The following TPH1 variants were observed in gnomAD, a reference collection of about 807,000 sequenced individuals.
The protein encoded by TPH1 is tryptophan hydroxylase 1, also known as tryptophan 5-hydroxylase 1.
TPH1 carries 37 observed loss-of-function variants against 49.5 expected under a neutral mutation model. The ratio of observed to expected loss-of-function variants is 0.75; its 90% CI spans 0.58 to 0.98. The LOEUF (loss-of-function observed/expected upper bound fraction) is 0.98, where lower values mean the gene tolerates loss of function less well. Among genes scored for constraint, TPH1 ranks in the 50% least tolerant of loss-of-function variants. The pLI is 0.00. For missense variants in TPH1, 487 were observed against 523.6 expected (o/e 0.93, Z 0.68); for synonymous variants, 160 against 182.1 (o/e 0.88, Z 0.98).
In TPH1 at chr11:18,032,509, A is replaced by G. The variant is rs1008684401; in HGVS notation, c.402+765T>C. On this transcript the variant is annotated intron_variant, in intron 4 of 10. Coordinates refer to ENST00000682019, the MANE Select transcript of TPH1 (RefSeq NM_004179.3). ...GGCAGTTAGTCTCAATTCCACCAAT[A>G]TGGAGGTCTACTAACACTTGTTGAA... is the stretch of plus-strand genomic sequence containing the variant. 4.8e-4 allele frequency among the ~76,000 whole-genome samples: 68 copies of G among 141,526 alleles called. 1 individual carries two copies. The highest frequency in any genetic ancestry group is 1.4e-3 in the South Asian group (6 of 4,226). The allele number at this position is 141,526 out of a possible 152,430, so 92.8% of individuals were successfully genotyped here. A position where few individuals can be genotyped will look rare whatever the true frequency, so the allele number is the denominator to read the frequency against.
chr11:18,037,961 T>C (rs1332725720), intron 2 of TPH1, among the ~76,000 whole-genome samples: 1 of 152,062 alleles, frequency 6.6e-6, no homozygotes, highest in African/African-American at 2.4e-5. Flanking sequence ...AAAGGAAGAG[T>C]CACAAAGGTG....
In TPH1 at chr11:18,020,481, A is replaced by G. The variant is rs1854346445; in HGVS notation, c.*510T>C. On this transcript the variant is annotated 3_prime_UTR_variant, in exon 11 of 11. Coordinates refer to ENST00000682019, the MANE Select transcript of TPH1 (RefSeq NM_004179.3). The stretch of plus-strand genomic sequence containing the variant: ...TTTTGCTCATGCTAGCAACAAAGAC[A>G]GCAGGGTCTCCTGTTAAATTTTAGT... The G allele has an allele frequency of 6.1e-6, 1 of 162,898 alleles. No homozygotes were observed. The highest frequency in any genetic ancestry group is 5.8e-5 in the Admixed American group (1 of 17,366). The allele number at this position is 162,898 out of a possible 1,614,324, so 10.1% of individuals were successfully genotyped here. A position where few individuals can be genotyped will look rare whatever the true frequency, so the allele number is the denominator to read the frequency against.
intron 10 of TPH1, among the ~76,000 whole-genome samples, chr11:18,022,397 A>G (rs371203324): frequency 1.3e-5 from 2 of 152,192 alleles, no homozygotes; most frequent in African/African-American, 2.4e-5. Flanking sequence ...TCCTTTCTCA[A>G]ATAACATTAA....
In TPH1 at chr11:18,022,875, T is replaced by A; in HGVS notation, c.1083A>T (p.Lys361Asn). The A allele has an allele frequency of 1.2e-6, 2 of 1,613,698 alleles. No homozygotes were observed. The highest frequency in any genetic ancestry group is 1.7e-6 in the Non-Finnish European group (2 of 1,179,676). The change falls in exon 10 of 11, where the codon AAA (lysine) becomes AAT (asparagine). Residue 361 changes from lysine to asparagine, a missense_variant. Physicochemically the swap from Lys to Asn is moderately conservative, Grantham distance 94 (BLOSUM62 0). Coordinates refer to ENST00000682019, the MANE Select transcript of TPH1 (RefSeq NM_004179.3). ...VKPFDPKITCKQECLITTFQD... is the reference protein window; with the variant it reads ...VKPFDPKITCNQECLITTFQD... The stretch of plus-strand genomic sequence containing the variant: ...GAAAAGTTGTGATAAGACATTCCTG[T>A]TTGCAGGTAATCTTGGGATCAAAGG...
chr11:18,029,176 T>G lies in TPH1; in HGVS notation c.656A>C (p.Asn219Thr), dbSNP rs780343911. The G allele has an allele frequency of 3.1e-6, 5 of 1,611,684 alleles. No homozygotes were observed. Among genetic ancestry groups the G allele is most frequent in the Non-Finnish European group, 4.2e-6 (5 of 1,178,400 alleles). ...DNIPQLEDVS[N>T]FLKERTGFSI... ...AATTAGCTTATTACCTTTTAAAAAG[T>G]TGGAGACATCTTCCAATTGTGGGAT... Residue 219 changes from asparagine to threonine, a missense_variant, in exon 6 of 11, where the codon AAC (asparagine) becomes ACC (threonine). By Grantham distance (65) the Asn-to-Thr change is moderately conservative. Transcript: ENST00000682019.
chr11:18,040,541 T>C (rs990514541), intron 2 of TPH1, 105 bp downstream of exon 2: 50 of 1,184,384 alleles, frequency 4.2e-5, no homozygotes, highest in Admixed American at 3.1e-4. Context: ...CTAAATTTGT[T>C]TTTTTTTAAG....
intron 1 of TPH1, chr11:18,041,031 G>A (rs1485720976): frequency 9.9e-5 from 33 of 334,494 alleles, no homozygotes; most frequent in Non-Finnish European, 1.7e-4. Flanking sequence ...TAAACCAATC[G>A]CTCTTTTAGG....
chr11:18,029,071 G>T lies in TPH1; in HGVS notation c.667+94C>A, dbSNP rs537438163. 6 of 814,774 alleles carry T rather than the reference G, an allele frequency of 7.4e-6. No individual in the cohort carries two copies. The African/African-American group carries it at 1.1e-4, about 16-fold the overall frequency. The allele number at this position is 814,774 out of a possible 1,614,324, so 50.5% of individuals were successfully genotyped here. ...CTCCAGCCTGGGCAACAGAAAGAGA[G>T]ACTCTGTCTCAAAAAAAAAAAAAAA... On this transcript the variant is annotated intron_variant, in intron 6 of 10. Transcript: ENST00000682019.
At chr11:18,036,488 A>T (rs1848049365) in intron 2 of TPH1, among the ~76,000 whole-genome samples, 1 of 152,218 alleles carries the variant, frequency 6.6e-6, no homozygotes, top group Non-Finnish European at 1.5e-5. Context: ...GTTTTCAAAA[A>T]GTGATACCAA....
chr11:18,036,840 C>T (rs188070491), intron 2 of TPH1, among the ~76,000 whole-genome samples: 99 of 152,164 alleles, frequency 6.5e-4, no homozygotes, highest in African/African-American at 2.3e-3. Context: ...ACCAGTGCAT[C>T]CTAAAATAAC....
intron 5 of TPH1, 43 bp from the exon 6 acceptor site, chr11:18,029,404 A>G: frequency 6.3e-7 from 1 of 1,582,376 alleles, no homozygotes; most frequent in Non-Finnish European, 8.7e-7. Context: ...TTAGCATTTA[A>G]TAAATAGTGG....
chr11:18,028,142 A>G (rs1168428581), intron 6 of TPH1, among the ~76,000 whole-genome samples: 4 of 152,242 alleles, frequency 2.6e-5, no homozygotes. Flanking sequence ...TAGATCACTG[A>G]TCATTTTACT....
chr11:18,045,791 T>A (rs1848135437), intron 1 of TPH1, among the ~76,000 whole-genome samples: 1 of 152,120 alleles, frequency 6.6e-6, no homozygotes, highest in Non-Finnish European at 1.5e-5. Context: ...CGGGAGGCTG[T>A]TTAAGGGAAG....
chr11:18,023,212 A>G (rs1347242760), intron 9 of TPH1: 1 of 398,072 alleles, frequency 2.5e-6, no homozygotes, highest in African/African-American at 2.0e-5. Context: ...TTATTCCTGT[A>G]TTATGGCACC....
At chr11:18,043,995 T>C (rs1564860959) in intron 1 of TPH1, among the ~76,000 whole-genome samples, 1 of 152,216 alleles carries the variant, frequency 6.6e-6, no homozygotes. Flanking sequence ...TTATTTTCTT[T>C]ACCTGATTCT....
At chr11:18,040,070 A>G (rs1251614972) in intron 2 of TPH1, among the ~76,000 whole-genome samples, 1 of 150,566 alleles carries the variant, frequency 6.6e-6, no homozygotes, top group Non-Finnish European at 1.5e-5. Context: ...TTAAATCTCA[A>G]GTATATAATT....
rs763935981 is a variant in TPH1 at position 18,029,246 on chromosome 11, T to A, written c.586A>T (p.Asn196Tyr). The stretch of plus-strand genomic sequence containing the variant: ...CAATATTTAGAAAGCAAAGGTAAGT[T>A]TTTGAGATACTCTCTGCAAGCATGG... ...PTHACREYLK[N>Y]LPLLSKYCGY... is the part of the protein sequence containing the mutation. The change falls in exon 6 of 11, where the codon AAC becomes TAC. Residue 196 changes from asparagine to tyrosine, a missense_variant. Asn to Tyr is a moderately radical substitution (Grantham distance 143). Transcript: ENST00000682019. 5 of 1,614,112 alleles carry A rather than the reference T, an allele frequency of 3.1e-6. No homozygotes were observed. The South Asian group carries it at 5.5e-5, about 18-fold the overall frequency.
chr11:18,043,827 C>T (rs1360020555), intron 1 of TPH1, among the ~76,000 whole-genome samples: 2 of 151,640 alleles, frequency 1.3e-5, no homozygotes. Flanking sequence ...GATCGCGCCA[C>T]TGCAGTCCAG....
Position 18,033,207 on chromosome 11 carries a change from C to T in TPH1, c.402+67G>A, listed in dbSNP as rs143326806. ...AGCAGAGGTTGCAGTAAGCCGAGAT[C>T]GTGCCACTGCACTCCAGTCTGGACA... On this transcript the variant is annotated intron_variant, in intron 4 of 10. Coordinates refer to ENST00000682019, the MANE Select transcript of TPH1 (RefSeq NM_004179.3). 7.5e-4 allele frequency: 918 copies of T among 1,217,540 alleles called. 3 individuals are homozygous for T. The African/African-American group carries it at 0.012, about 16-fold the overall frequency. 75.4% of individuals were successfully genotyped at this position (1,217,540 alleles called of 1,614,324 possible). A position where few individuals can be genotyped will look rare whatever the true frequency, so the allele number is the denominator to read the frequency against.
Sources: gnomAD v4.1 joint callset for allele counts (sites outside exome capture counted in the v4.1 genomes callset) on GRCh38, gnomAD v4.1.1 for gene constraint, MANE v1.5 for transcripts, NCBI Gene and HGNC (gene_info 2026-07-23, HGNC 2026-07-21) for gene names.